Variants in SYNPR observed in about 807,000 individuals in gnomAD.
SYNPR encodes the protein synaptoporin.
A neutral mutation model predicts 32.9 loss-of-function variants in SYNPR; 23 were observed. The observed-to-expected ratio is 0.70, with a 90% CI of 0.50 to 0.99. The LOEUF is 0.99. Among genes scored for constraint, SYNPR ranks in the 50% least tolerant of loss-of-function variants. SYNPR has a pLI of 0.00. For missense variants in SYNPR, 318 were observed against 349.3 expected (o/e 0.91, Z 0.71); for synonymous variants, 146 against 135.9 (o/e 1.07, Z -0.52).
At chr3:63,396,907 A>G (rs916195965) in intron 2 of SYNPR, among the ~76,000 whole-genome samples, 4 of 152,140 alleles carry the variant, frequency 2.6e-5, no homozygotes, top group Non-Finnish European at 4.4e-5. Flanking sequence ...GATCGAGACC[A>G]TGCTGGCTAA....
chr3:63,441,245 G>C (rs769860354), intron 2 of SYNPR, among the ~76,000 whole-genome samples: 8 of 152,184 alleles, frequency 5.3e-5, no homozygotes, highest in Non-Finnish European at 1.2e-4. Context: ...ACATAGAATA[G>C]TATCTGGCAA....
At chr3:63,254,651 G>T (rs1248825354) in intron 2 of SYNPR, among the ~76,000 whole-genome samples, 1 of 152,070 alleles carries the variant, frequency 6.6e-6, no homozygotes, top group Non-Finnish European at 1.5e-5. Context: ...GTGGGGAAGG[G>T]GGTCTGTCAT....
At chr3:63,203,068 G>GTGTGTATATATA in the SYNPR span, 42 of 108,566 alleles carry the variant, frequency 3.9e-4, 1 homozygote, top group African/African-American at 1.4e-3. Context: ...ATATGTATGT[G>GTGTGTATATATA]TATATATATA....
At chr3:63,601,273 CA>C (rs11463845) in intron 4 of SYNPR, among the ~76,000 whole-genome samples, 200 of 138,086 alleles carry the variant, frequency 1.4e-3, no homozygotes, top group Middle Eastern at 3.8e-3. Flanking sequence ...AACGCCATCT[CA>C]AAAAAAAAAA....
intron 2 of SYNPR, among the ~76,000 whole-genome samples, chr3:63,372,064 C>A (rs1247420637): frequency 2.6e-5 from 4 of 152,076 alleles, no homozygotes; most frequent in Non-Finnish European, 5.9e-5. Context: ...CTGAGTATAT[C>A]CACAGGTAGA....
intron 2 of SYNPR, among the ~76,000 whole-genome samples, chr3:63,289,678 A>G (rs1575587595): frequency 1.3e-5 from 2 of 152,280 alleles, no homozygotes. Flanking sequence ...TCGAATTTCA[A>G]CTTGAGATTT....
chr3:63,314,889 C>G (rs954902118), intron 2 of SYNPR, among the ~76,000 whole-genome samples: 1 of 151,968 alleles, frequency 6.6e-6, no homozygotes, highest in Non-Finnish European at 1.5e-5. Flanking sequence ...TCATCTAAAT[C>G]CAGCTTGAGT....
At chr3:63,253,743 G>A (rs1002724277) in intron 2 of SYNPR, among the ~76,000 whole-genome samples, 5 of 152,308 alleles carry the variant, frequency 3.3e-5, no homozygotes, top group South Asian at 2.1e-4. Flanking sequence ...TTCAATCATT[G>A]TGGAAGTCAG....
At chr3:63,357,837 A>G (rs1046473069) in intron 2 of SYNPR, among the ~76,000 whole-genome samples, 2 of 152,120 alleles carry the variant, frequency 1.3e-5, no homozygotes, top group African/African-American at 4.8e-5. Context: ...ACTTCCCTAT[A>G]CTTCATTATG....
At chr3:63,396,701 T>G (rs1200679621) in intron 2 of SYNPR, among the ~76,000 whole-genome samples, 1 of 152,218 alleles carries the variant, frequency 6.6e-6, no homozygotes, top group African/African-American at 2.4e-5. Context: ...CATTTAAATA[T>G]TTCATACCTG....
chr3:63,425,045 C>T (rs975949568), intron 2 of SYNPR, among the ~76,000 whole-genome samples: 3 of 152,208 alleles, frequency 2.0e-5, no homozygotes, highest in African/African-American at 7.2e-5. Flanking sequence ...AAAGTGTGGT[C>T]TTCCTGCTGC....
intron 2 of SYNPR, among the ~76,000 whole-genome samples, chr3:63,383,836 C>T (rs1179408507): frequency 6.6e-6 from 1 of 152,110 alleles, no homozygotes; most frequent in East Asian, 1.9e-4. Flanking sequence ...GTTATTAATA[C>T]TGTAGTGCTT....
chr3:63,228,654 G>A (rs1244635032), intron 1 of SYNPR, among the ~76,000 whole-genome samples: 1 of 151,466 alleles, frequency 6.6e-6, no homozygotes, highest in African/African-American at 2.4e-5. Flanking sequence ...CCTTTTTCAT[G>A]GGTTAAACCT....
At chr3:63,603,371 C>T (rs1351497000) in intron 4 of SYNPR, among the ~76,000 whole-genome samples, 1 of 152,126 alleles carries the variant, frequency 6.6e-6, no homozygotes, top group Non-Finnish European at 1.5e-5. Context: ...CTAGGACTTC[C>T]CACACAATGT....
At chr3:63,592,874 A>G (rs1163597871) in intron 4 of SYNPR, among the ~76,000 whole-genome samples, 1 of 152,068 alleles carries the variant, frequency 6.6e-6, no homozygotes, top group African/African-American at 2.4e-5. Flanking sequence ...TAAGCATTTT[A>G]TTGCATTACT....
At chr3:63,233,684 A>C (rs1410376309) in intron 1 of SYNPR, among the ~76,000 whole-genome samples, 1 of 150,444 alleles carries the variant, frequency 6.6e-6, no homozygotes, top group Non-Finnish European at 1.5e-5. Context: ...GAAAAGAATA[A>C]TACTACGTAA....
chr3:63,326,559 G>A (rs1259919345), intron 2 of SYNPR, among the ~76,000 whole-genome samples: 2 of 152,044 alleles, frequency 1.3e-5, no homozygotes, highest in Non-Finnish European at 2.9e-5. Flanking sequence ...AACTCCAGAG[G>A]GCCACTGGTT....
rs188937397 is a variant in SYNPR, at chr3:63,397,156, G to C, written c.85-83676G>C. ...ATTAAAAATATGGTGATGGGGAAGG[G>C]AGGAGTTAATTCAAGAAGGCTGTAG... is the stretch of plus-strand genomic sequence containing the variant. On this transcript the variant is annotated intron_variant, in intron 2 of 5. Coordinates refer to ENST00000478300, the MANE Select transcript of SYNPR (RefSeq NM_001130003.2). Among the ~76,000 whole-genome samples, 157 of 152,032 alleles carry C rather than the reference G, an allele frequency of 1.0e-3. 1 individual carries two copies. Among genetic ancestry groups the C allele is most frequent in the South Asian group, 6.9e-3 (33 of 4,794 alleles).
intron 2 of SYNPR, among the ~76,000 whole-genome samples, chr3:63,294,759 T>C (rs963590467): frequency 2.6e-5 from 4 of 152,202 alleles, no homozygotes; most frequent in African/African-American, 9.6e-5. Context: ...AGTTTGCCAT[T>C]TGCGTGTCTT....
Sources: allele counts gnomAD v4.1 joint callset (sites outside exome capture counted in the v4.1 genomes callset), GRCh38; gene constraint gnomAD v4.1.1; transcripts MANE v1.5; gene names NCBI Gene and HGNC (gene_info 2026-07-23, HGNC 2026-07-21).